Variants in ZNF790 observed in about 807,000 individuals in gnomAD.
ZNF790 encodes zinc finger protein 790.
ZNF790 carries 8 observed loss-of-function variants against 12.1 expected under a neutral mutation model. That is an observed-to-expected ratio of 0.66 (90% CI 0.39 to 1.19). ZNF790 has a LOEUF of 1.19. Among genes scored for constraint, ZNF790 ranks in the 50% most tolerant of loss-of-function variants. The probability of loss-of-function intolerance (pLI) is 0.01; values close to 1 mark genes in which losing one functional copy is unlikely to be tolerated. For synonymous variants in ZNF790, 252 were observed against 244.3 expected, an observed-to-expected ratio of 1.03 and a Z score of -0.29; for missense variants, 707 against 752.2, an observed-to-expected ratio of 0.94 and a Z score of 0.70.
intron 1 of ZNF790, among the ~76,000 whole-genome samples, chr19:36,845,497 T>C (rs2072172348): frequency 1.3e-5 from 2 of 151,584 alleles, no homozygotes; most frequent in South Asian, 2.1e-4. Context: ...CACAAAGTAA[T>C]ATACTGCCCT....
intron 1 of ZNF790, among the ~76,000 whole-genome samples, chr19:36,829,208 A>G (rs2071895366): frequency 6.6e-6 from 1 of 152,230 alleles, no homozygotes; most frequent in Non-Finnish European, 1.5e-5. Flanking sequence ...AATACGTGCA[A>G]CCACAGTCAA....
chr19:36,848,805 G>GT (rs11405821), intron 1 of ZNF790, among the ~76,000 whole-genome samples: 126,454 of 151,718 alleles, frequency 0.83, 53,858 homozygotes, highest in African/African-American at 0.93. Flanking sequence ...TTTTTTGGGG[G>GT]TTTTTTGAGA....
intron 1 of ZNF790, among the ~76,000 whole-genome samples, chr19:36,837,344 ACT>A (rs1176614829): frequency 8.6e-5 from 13 of 152,030 alleles, no homozygotes; most frequent in Non-Finnish European, 1.9e-4. Flanking sequence ...TATCTGGAGG[ACT>A]CTGCAGCCCT....
intron 1 of ZNF790, among the ~76,000 whole-genome samples, chr19:36,832,036 C>G (rs73607678): frequency 0.015 from 2,310 of 152,130 alleles, 65 homozygotes; most frequent in African/African-American, 0.052. Flanking sequence ...GTGAAAAAAA[C>G]AAATGAGGGA....
At chr19:36,823,513 G>T (rs2071722803) in intron 3 of ZNF790, 133 bp from the exon 4 acceptor site, 3 of 1,246,914 alleles carry the variant, frequency 2.4e-6, no homozygotes, top group African/African-American at 3.0e-5. Context: ...GGGAAAGATG[G>T]AAGTGCCCAC....
At chr19:36,822,411 A>G (rs953952793) in intron 4 of ZNF790, among the ~76,000 whole-genome samples, 1 of 152,250 alleles carries the variant, frequency 6.6e-6, no homozygotes, top group African/African-American at 2.4e-5. Context: ...TTTTTGTTAC[A>G]TGAGTGAAAA....
chr19:36,833,560 AT>A (rs746498344), intron 1 of ZNF790, among the ~76,000 whole-genome samples: 51 of 152,236 alleles, frequency 3.4e-4, no homozygotes, highest in Admixed American at 7.8e-4. Context: ...AGTTTCCCCA[AT>A]ATAGTGGTAT....
At position 36,823,006 on chromosome 19, in the gene ZNF790, T is replaced by A. The variant is rs141182529; in HGVS notation, c.229+279A>T. On this transcript the variant is annotated intron_variant, in intron 4 of 4. Transcript: ENST00000356725. ...GTGGGACTACAGCTGCACGCCGACA[T>A]GCCTGGCTAATTTTTTGTATTTTTT... Among the ~76,000 whole-genome samples the A allele has an allele frequency of 8.5e-5, 13 of 152,200 alleles. No individual in the cohort carries two copies. In the East Asian group the frequency reaches 2.3e-3, roughly 27 times the overall value.
At chr19:36,848,746 G>A (rs2146100222) in intron 1 of ZNF790, among the ~76,000 whole-genome samples, 1 of 151,846 alleles carries the variant, frequency 6.6e-6, no homozygotes, top group South Asian at 2.1e-4. Context: ...ATACAGAGAT[G>A]GGGGTTGGGG....
chr19:36,834,432 A>G (rs994634556), intron 1 of ZNF790, among the ~76,000 whole-genome samples: 1 of 152,204 alleles, frequency 6.6e-6, no homozygotes, highest in Non-Finnish European at 1.5e-5. Flanking sequence ...TTCCCAAAGG[A>G]AGATATCCAA....
At chr19:36,843,363 T>A (rs538258941), upstream of ZNF790, among the ~76,000 whole-genome samples, 542 of 152,296 alleles carry the variant, frequency 3.6e-3, 1 homozygote, top group Non-Finnish European at 5.8e-3. Flanking sequence ...GAGTTTTTGG[T>A]AGTCTTGCTG....
intron 1 of ZNF790, among the ~76,000 whole-genome samples, chr19:36,832,975 T>TAAAAAAAAAAAAAAA (rs763094890): frequency 7.4e-6 from 1 of 134,680 alleles, no homozygotes. Context: ...AGACCTTCTC[T>TAAAAAAAAAAAAAAA]AAAAAAAAAA....
At chr19:36,848,333 T>G (rs1173665391) in intron 1 of ZNF790, among the ~76,000 whole-genome samples, 1 of 152,246 alleles carries the variant, frequency 6.6e-6, no homozygotes, top group Non-Finnish European at 1.5e-5. Flanking sequence ...CAATCGCTGC[T>G]GATTTAATTA....
In ZNF790 at chr19:36,819,090, GC is replaced by G; in HGVS notation, c.1253del (p.Gly418AlafsTer235). ...HLARHQRIHT[G>X]RKPYECKQCG... ...ATTGCTTACATTCATAAGGTTTCCT[GC>G]CAGTATGAATTCGCTGATGTCGAGC... On this transcript the variant is annotated frameshift_variant, in exon 5 of 5. Transcript: ENST00000356725. LOFTEE classifies it low-confidence loss of function (END_TRUNC). 1 of 1,613,606 alleles carries G rather than the reference GC, an allele frequency of 6.2e-7. No homozygotes were observed. Among genetic ancestry groups the G allele is most frequent in the Non-Finnish European group, 8.5e-7 (1 of 1,179,788 alleles).
Position 36,818,742 on chromosome 19 carries a change from G to T in ZNF790, c.1602C>A (p.Tyr534Ter), listed in dbSNP as rs754133502. 1 of 1,612,136 alleles carries T rather than the reference G, an allele frequency of 6.2e-7. No homozygotes were observed. Among genetic ancestry groups the T allele is most frequent in the South Asian group, 1.1e-5 (1 of 90,936 alleles). Residue 534 changes from tyrosine (Y) to a stop codon, truncating the protein, a stop_gained, in exon 5 of 5, where the codon TAC (tyrosine) becomes TAA (stop). Coordinates refer to ENST00000356725, the MANE Select transcript of ZNF790 (RefSeq NM_206894.4). LOFTEE classifies it low-confidence loss of function (END_TRUNC). ...AAGATTTCCCACATTCTTTACATACGTAAGGTTCCTCACCAGTATGCATTC... is the reference window on the plus strand; with the variant it reads ...AAGATTTCCCACATTCTTTACATACTTAAGGTTCCTCACCAGTATGCATTC... ...HQRMHTGEEPYVCKECGKSFI... is the reference protein window; with the variant it reads ...HQRMHTGEEP
At chr19:36,823,992 CTTTT>C (rs779735213) in intron 2 of ZNF790, among the ~76,000 whole-genome samples, 40 of 104,384 alleles carry the variant, frequency 3.8e-4, no homozygotes, top group Non-Finnish European at 6.0e-4. Context: ...TCTACATGCT[CTTTT>C]TTTTTTTTTT....
At chr19:36,841,064 G>A (rs911435688), upstream of ZNF790, among the ~76,000 whole-genome samples, 17 of 152,174 alleles carry the variant, frequency 1.1e-4, no homozygotes, top group African/African-American at 3.9e-4. Context: ...TATTTTCAAA[G>A]CTTTACCATA....
intron 1 of ZNF790, among the ~76,000 whole-genome samples, chr19:36,833,285 G>A (rs1037389364): frequency 6.6e-6 from 1 of 152,146 alleles, no homozygotes; most frequent in African/African-American, 2.4e-5. Flanking sequence ...TGGGACTACA[G>A]GCACCAGCCA....
chr19:36,842,210 T>C (rs967584122), upstream of ZNF790, among the ~76,000 whole-genome samples: 2 of 152,148 alleles, frequency 1.3e-5, no homozygotes, highest in East Asian at 3.9e-4. Context: ...GAGAAAATAT[T>C]TGTAAATCAT....
Sources: allele counts gnomAD v4.1 joint callset (sites outside exome capture counted in the v4.1 genomes callset), GRCh38; gene constraint gnomAD v4.1.1; transcripts MANE v1.5; gene names NCBI Gene and HGNC (gene_info 2026-07-23, HGNC 2026-07-21).